Variants in NEK6 observed in about 807,000 individuals in gnomAD.
The protein encoded by NEK6 is NIMA related kinase 6.
Under a neutral mutation model 43.5 loss-of-function variants are expected in NEK6, and 27 were observed. The ratio of observed to expected loss-of-function variants is 0.62; its 90% CI spans 0.46 to 0.86. The LOEUF (loss-of-function observed/expected upper bound fraction) is 0.86, where lower values mean the gene tolerates loss of function less well. NEK6 is among the 40% of genes least tolerant of loss of function. The pLI is 0.00. For synonymous variants in NEK6, 167 were observed against 164.1 expected (o/e 1.02, Z -0.14); for missense variants, 318 against 414.4 (o/e 0.77, Z 2.02).
At chr9:124,313,796 G>A in intron 3 of NEK6, 127 bp from the exon 4 acceptor site, 1 of 858,166 alleles carries the variant, frequency 1.2e-6, no homozygotes, top group Non-Finnish European at 1.9e-6. Context: ...GGAGTGCAGG[G>A]GGGGGTCACA....
At chr9:124,323,546 C>T (rs895085182) in intron 5 of NEK6, among the ~76,000 whole-genome samples, 4 of 152,268 alleles carry the variant, frequency 2.6e-5, no homozygotes, top group Non-Finnish European at 5.9e-5. Flanking sequence ...TGCTGCCACA[C>T]GGGAACGCAG....
At chr9:124,268,322 C>G (rs930265635) in intron 1 of NEK6, among the ~76,000 whole-genome samples, 1 of 152,168 alleles carries the variant, frequency 6.6e-6, no homozygotes, top group Non-Finnish European at 1.5e-5. Flanking sequence ...CCTTCAATTG[C>G]CATTCATCCA....
chr9:124,336,497 C>G (rs910919419), intron 7 of NEK6, among the ~76,000 whole-genome samples: 1 of 152,136 alleles, frequency 6.6e-6, no homozygotes, highest in Non-Finnish European at 1.5e-5. Flanking sequence ...AACCCTGAGG[C>G]CTCGGCCCGG....
chr9:124,312,389 G>A, intron 2 of NEK6, 120 bp from the exon 3 acceptor site: 1 of 1,201,124 alleles, frequency 8.3e-7, no homozygotes, highest in South Asian at 1.6e-5. Context: ...GAGCAGGGTT[G>A]GCAGCAGAGT....
chr9:124,341,780 G>A (rs1376458559), intron 8 of NEK6, among the ~76,000 whole-genome samples: 1 of 152,158 alleles, frequency 6.6e-6, no homozygotes, highest in East Asian at 1.9e-4. Context: ...AGAATTTGGA[G>A]GGAAGTCAGT....
At chr9:124,288,516 T>G (rs1026898799) in intron 1 of NEK6, among the ~76,000 whole-genome samples, 75 of 152,238 alleles carry the variant, frequency 4.9e-4, no homozygotes, top group African/African-American at 1.8e-3. Context: ...ACTCTTGACC[T>G]CAAGTGATCC....
At position 124,352,103 on chromosome 9, in the gene NEK6, A is replaced by AAATC. The variant is rs1428667813; in HGVS notation, c.*1158_*1161dup. ...CCTAAGAAAACTCCACCTCTGAAGG[A>AAATC]AATCATTTGAATTTTGTTTTTGTAC... is the stretch of plus-strand genomic sequence containing the variant. On this transcript the variant is annotated 3_prime_UTR_variant, in exon 10 of 10. Coordinates refer to ENST00000320246, the MANE Select transcript of NEK6 (RefSeq NM_014397.6). 1 of 152,672 alleles carries AAATC rather than the reference A, an allele frequency of 6.5e-6. No individual in the cohort carries two copies. The highest frequency in any genetic ancestry group is 6.5e-5 in the Admixed American group (1 of 15,286). The allele number at this position is 152,672 out of a possible 1,614,324, so 9.5% of individuals were successfully genotyped here.
intron 1 of NEK6, chr9:124,261,391 G>A: frequency 1.0e-6 from 1 of 985,338 alleles, no homozygotes; most frequent in Non-Finnish European, 1.2e-6. Context: ...GACCAAGCAA[G>A]GGAGTTGGAG....
intron 7 of NEK6, among the ~76,000 whole-genome samples, chr9:124,339,178 G>A (rs1450889279): frequency 6.6e-6 from 1 of 152,102 alleles, no homozygotes; most frequent in East Asian, 1.9e-4. Flanking sequence ...ATAGGTGTCT[G>A]CCACTATGCC....
At chr9:124,310,305 C>G (rs751315374) in intron 2 of NEK6, among the ~76,000 whole-genome samples, 10 of 152,234 alleles carry the variant, frequency 6.6e-5, no homozygotes, top group Non-Finnish European at 1.2e-4. Flanking sequence ...TGCACAGAGC[C>G]CAGCATGCAG....
Position 124,326,506 on chromosome 9 carries a change from C to T in NEK6, c.514+68C>T. On this transcript the variant is annotated intron_variant, in intron 6 of 9. Coordinates refer to ENST00000320246, the MANE Select transcript of NEK6 (RefSeq NM_014397.6). This position sits in a 1 kb window ranked among gnomAD's most constrained non-coding sequence, Gnocchi z 4.5. ...CCAGGAAGACACTTCCTCATGGCTCCTCCAGGGTCCTCAGGGGCAGCCCCT... is the reference window on the plus strand; with the variant it reads ...CCAGGAAGACACTTCCTCATGGCTCTTCCAGGGTCCTCAGGGGCAGCCCCT... 2.6e-6 allele frequency: 3 copies of T among 1,169,936 alleles called. No homozygotes were observed. Among genetic ancestry groups the T allele is most frequent in the African/African-American group, 1.5e-5 (1 of 66,896 alleles). 72.5% of individuals were successfully genotyped at this position (1,169,936 alleles called of 1,614,324 possible).
intron 8 of NEK6, 53 bp from the exon 9 acceptor site, chr9:124,347,656 C>G: frequency 8.3e-7 from 1 of 1,202,362 alleles, no homozygotes; most frequent in South Asian, 1.4e-5. Context: ...CCTCTCTAGT[C>G]CTTCTGAGCC....
chr9:124,289,584 C>T (rs1832319396), intron 1 of NEK6, among the ~76,000 whole-genome samples: 1 of 152,142 alleles, frequency 6.6e-6, no homozygotes, highest in Non-Finnish European at 1.5e-5. Flanking sequence ...ATGAGGAAGG[C>T]AGTGTGCAGG....
At position 124,292,638 on chromosome 9, in the gene NEK6, C is replaced by T. The variant is rs1832479313; in HGVS notation, c.-29-9298C>T. The T allele has an allele frequency of 3.5e-6, 5 of 1,443,892 alleles. No homozygotes were observed. In the East Asian group the frequency reaches 1.2e-4, roughly 36 times the overall value. The allele number at this position is 1,443,892 out of a possible 1,614,324, so 89.4% of individuals were successfully genotyped here. A position where few individuals can be genotyped will look rare whatever the true frequency, so the allele number is the denominator to read the frequency against. ...CAGCAGGGTAGTAGCTGCGGTTCTG[C>T]TCTGAAATCCATCCCTTCCCTTAAG... On this transcript the variant is annotated intron_variant, in intron 1 of 9. Coordinates refer to ENST00000320246, the MANE Select transcript of NEK6 (RefSeq NM_014397.6).
intron 8 of NEK6, among the ~76,000 whole-genome samples, chr9:124,346,218 T>C (rs1829917683): frequency 6.6e-6 from 1 of 152,206 alleles, no homozygotes; most frequent in Non-Finnish European, 1.5e-5. Flanking sequence ...ACTCAGCAGC[T>C]TCCCCAAAGG....
intron 1 of NEK6, among the ~76,000 whole-genome samples, chr9:124,262,557 T>G (rs1831073000): frequency 6.6e-6 from 1 of 152,222 alleles, no homozygotes; most frequent in South Asian, 2.1e-4. Flanking sequence ...GGCACAGGTC[T>G]TCTAGCCAGG....
chr9:124,313,796 G>C lies in NEK6; in HGVS notation c.232-127G>C, dbSNP rs1588499663. 1.5e-5 allele frequency: 13 copies of C among 858,050 alleles called. No individual in the cohort carries two copies. The East Asian group carries it at 2.4e-4, about 16-fold the overall frequency. The allele number at this position is 858,050 out of a possible 1,614,324, so 53.2% of individuals were successfully genotyped here. A position where few individuals can be genotyped will look rare whatever the true frequency, so the allele number is the denominator to read the frequency against. On this transcript the variant is annotated intron_variant, in intron 3 of 9. Transcript: ENST00000320246. ...GCCCTACAGGGGCTGGGAGTGCAGG[G>C]GGGGGTCACAGAGTCCCTTGGTGAG...
At chr9:124,279,593 C>T (rs1219282043) in intron 1 of NEK6, among the ~76,000 whole-genome samples, 3 of 152,172 alleles carry the variant, frequency 2.0e-5, no homozygotes, top group Non-Finnish European at 4.4e-5. Flanking sequence ...GTGAGCCACG[C>T]GCCTGGCCCA....
At chr9:124,281,094 T>C (rs1329591275) in intron 1 of NEK6, among the ~76,000 whole-genome samples, 1 of 152,254 alleles carries the variant, frequency 6.6e-6, no homozygotes, top group Admixed American at 6.5e-5. Flanking sequence ...GCTTCCCTGC[T>C]GCATCTCCCG....
Sources: gnomAD v4.1 joint callset for allele counts (sites outside exome capture counted in the v4.1 genomes callset) on GRCh38, gnomAD v4.1.1 for gene constraint, Gnocchi (gnomAD v3.1) non-coding constraint, MANE v1.5 for transcripts, NCBI Gene and HGNC (gene_info 2026-07-23, HGNC 2026-07-21) for gene names.